Variants in SCNN1G observed in about 807,000 individuals in gnomAD.
SCNN1G encodes the protein epithelial sodium channel subunit gamma.
In SCNN1G, 27 loss-of-function variants were observed where a neutral mutation model predicts 64.6. That is an observed-to-expected ratio of 0.42 (90% CI 0.31 to 0.58). The LOEUF (loss-of-function observed/expected upper bound fraction) is 0.58, where lower values mean the gene tolerates loss of function less well. Among genes scored for constraint, SCNN1G ranks in the 20% least tolerant of loss-of-function variants. SCNN1G has a pLI of 0.18. For synonymous variants in SCNN1G, 330 were observed against 314.2 expected (o/e 1.05, Z -0.53); for missense variants, 743 against 823.4 (o/e 0.90, Z 1.19).
At position 23,189,622 on chromosome 16, in the gene SCNN1G, C is replaced by T. The variant is rs267604466; in HGVS notation, c.569C>T (p.Ala190Val). The change falls in exon 3 of 13, where the codon GCT becomes GTT. Residue 190 changes from alanine to valine, a missense_variant. Transcript: ENST00000300061. ...RKVGGSIIHK[A>V]SNVMHIESKQ... Reference sequence around the variant, plus strand: ...GTCGGCGGTAGCATCATTCACAAGGCTTCAAATGTCATGCACATCGAGTCC... The same window carrying T: ...GTCGGCGGTAGCATCATTCACAAGGTTTCAAATGTCATGCACATCGAGTCC... The T allele has an allele frequency of 6.2e-7, 1 of 1,614,224 alleles. No individual in the cohort carries two copies. Among genetic ancestry groups the T allele is most frequent in the Non-Finnish European group, 8.5e-7 (1 of 1,180,036 alleles).
At position 23,189,539 on chromosome 16, in the gene SCNN1G, C is replaced by G. The variant is rs1238075168; in HGVS notation, c.486C>G (p.Ile162Met). The G allele has an allele frequency of 1.2e-6, 2 of 1,614,124 alleles. No individual in the cohort carries two copies. Among genetic ancestry groups the G allele is most frequent in the Non-Finnish European group, 1.7e-6 (2 of 1,180,054 alleles). The change falls in exon 3 of 13, where the codon ATC (isoleucine) becomes ATG (methionine). Residue 162 changes from isoleucine (I) to methionine (M), a missense_variant. Coordinates refer to ENST00000300061, the MANE Select transcript of SCNN1G (RefSeq NM_001039.4). Reference protein sequence around the residue: ...PRFSHRIPLLIFDQDEKGKAR... With the variant: ...PRFSHRIPLLMFDQDEKGKAR... ...TCTCCCACCGGATTCCGCTGCTGAT[C>G]TTTGATCAGGATGAGAAGGGCAAGG... is the stretch of plus-strand genomic sequence containing the variant.
intron 6 of SCNN1G, among the ~76,000 whole-genome samples, chr16:23,207,256 A>T (rs1432591876): frequency 6.6e-6 from 1 of 152,034 alleles, no homozygotes; most frequent in Non-Finnish European, 1.5e-5. Flanking sequence ...AAGTGGACAG[A>T]CCCCTCATCT....
At chr16:23,191,177 A>T (rs1959702944) in intron 3 of SCNN1G, among the ~76,000 whole-genome samples, 1 of 151,982 alleles carries the variant, frequency 6.6e-6, no homozygotes, top group Non-Finnish European at 1.5e-5. Flanking sequence ...ATTCACTGAA[A>T]ATGAATTCTA....
chr16:23,185,413 C>T (rs1286045634), intron 1 of SCNN1G, among the ~76,000 whole-genome samples: 1 of 152,110 alleles, frequency 6.6e-6, no homozygotes, highest in East Asian at 1.9e-4. Context: ...TGAGATGCAT[C>T]GTGCACATTG....
chr16:23,187,537 T>C (rs1230628283), intron 2 of SCNN1G, among the ~76,000 whole-genome samples: 1 of 152,076 alleles, frequency 6.6e-6, no homozygotes, highest in Non-Finnish European at 1.5e-5. Flanking sequence ...AAGCCCAAAT[T>C]AGCCAACCCC....
At chr16:23,213,329 T>G (rs922030370) in intron 11 of SCNN1G, among the ~76,000 whole-genome samples, 166 bp downstream of exon 11, 4 of 150,596 alleles carry the variant, frequency 2.7e-5, no homozygotes, top group Non-Finnish European at 5.9e-5. Context: ...CTCAGCTCAC[T>G]GTAACTTCTG....
At chr16:23,185,835 G>A (rs1442532616) in intron 1 of SCNN1G, among the ~76,000 whole-genome samples, 3 of 152,158 alleles carry the variant, frequency 2.0e-5, no homozygotes, top group East Asian at 1.9e-4. Flanking sequence ...TGAGGAAGGC[G>A]GGCTACTGGA....
chr16:23,198,862 C>G (rs770018591), intron 6 of SCNN1G, among the ~76,000 whole-genome samples: 3 of 151,994 alleles, frequency 2.0e-5, no homozygotes, highest in Admixed American at 1.3e-4. Context: ...CAAGACCAGC[C>G]TGGGCAACAT....
chr16:23,195,606 A>G (rs1212742245), intron 5 of SCNN1G, among the ~76,000 whole-genome samples: 1 of 152,222 alleles, frequency 6.6e-6, no homozygotes, highest in Non-Finnish European at 1.5e-5. Flanking sequence ...TTTCATGGGG[A>G]AGAAGTAATC....
rs775575496 is a variant in SCNN1G at position 23,194,261 on chromosome 16, G to T, written c.900G>T (p.Gly300=). 3.7e-6 allele frequency: 6 copies of T among 1,609,616 alleles called. No individual in the cohort carries two copies. Among genetic ancestry groups the T allele is most frequent in the Non-Finnish European group, 4.3e-6 (5 of 1,175,956 alleles). ...ENETILSTSM[G]GSEYGLQVIL... Reference sequence around the variant, plus strand: ...AGACCATTCTCAGCACCTCCATGGGGGGCAGCGAATATGGTAAGGAAACCT... The same window carrying T: ...AGACCATTCTCAGCACCTCCATGGGTGGCAGCGAATATGGTAAGGAAACCT... The change falls in exon 5 of 13, where the codon GGG becomes GGT. Residue 300 remains glycine (G), a synonymous_variant. Coordinates refer to ENST00000300061, the MANE Select transcript of SCNN1G (RefSeq NM_001039.4).
rs775694446 is a variant in SCNN1G, at chr16:23,189,379, C to G, written c.326C>G (p.Thr109Ser). ...ICNINPYKYS[T>S]VRHLLADLEQ... ...CCTCCCCACCTTGGCAGGTACAGCA[C>G]CGTTCGCCACCTTCTAGCTGACTTG... The change falls in exon 3 of 13, where the codon ACC (threonine) becomes AGC (serine). Residue 109 changes from threonine (T) to serine (S), a missense_variant. Thr to Ser is a moderately conservative substitution (Grantham distance 58, BLOSUM62 1). Transcript: ENST00000300061. The G allele has an allele frequency of 5.6e-6, 9 of 1,613,446 alleles. No individual in the cohort carries two copies. The Admixed American group carries it at 8.3e-5, about 15-fold the overall frequency.
At position 23,192,316 on chromosome 16, in the gene SCNN1G, C is replaced by T. The variant is rs753688324; in HGVS notation, c.619-36C>T. Reference sequence around the variant, plus strand: ...TCCTTCTGAAGAGTAGCGATAGGACCGATGGCTTCAGCCTCGCATCTCCTC... The same window carrying T: ...TCCTTCTGAAGAGTAGCGATAGGACTGATGGCTTCAGCCTCGCATCTCCTC... On this transcript the variant is annotated intron_variant, in intron 3 of 12. Coordinates refer to ENST00000300061, the MANE Select transcript of SCNN1G (RefSeq NM_001039.4). The T allele has an allele frequency of 2.5e-5, 39 of 1,547,376 alleles. No homozygotes were observed. In the African/African-American group the frequency reaches 2.6e-4, roughly 10 times the overall value.
At chr16:23,212,615 G>A in intron 8 of SCNN1G, 63 bp from the exon 9 acceptor site, 2 of 1,284,502 alleles carry the variant, frequency 1.6e-6, no homozygotes, top group Admixed American at 3.4e-5. Context: ...TTGGTGACCT[G>A]GGGATGGCCA....
chr16:23,206,703 A>G (rs1292883583), intron 6 of SCNN1G, among the ~76,000 whole-genome samples: 1 of 152,174 alleles, frequency 6.6e-6, no homozygotes, highest in Non-Finnish European at 1.5e-5. Flanking sequence ...ATCTGGTTTG[A>G]TATAAATGGG....
chr16:23,190,833 T>A (rs1324940581), intron 3 of SCNN1G, among the ~76,000 whole-genome samples: 1 of 50,516 alleles, frequency 2.0e-5, no homozygotes, highest in Non-Finnish European at 4.5e-5. Flanking sequence ...TTGAGGGGAT[T>A]TTTTTTTTTT....
At chr16:23,208,129 G>C (rs941621042) in intron 6 of SCNN1G, among the ~76,000 whole-genome samples, 1 of 152,128 alleles carries the variant, frequency 6.6e-6, no homozygotes, top group South Asian at 2.1e-4. Flanking sequence ...GGCTTGGCTG[G>C]ATTATTTATT....
At chr16:23,201,581 A>G (rs1490833432) in intron 6 of SCNN1G, among the ~76,000 whole-genome samples, 1 of 151,974 alleles carries the variant, frequency 6.6e-6, no homozygotes, top group East Asian at 1.9e-4. Flanking sequence ...ACTAAGAAAA[A>G]CTCCAACCAA....
At chr16:23,200,909 C>T (rs1205101585) in intron 6 of SCNN1G, among the ~76,000 whole-genome samples, 2 of 152,148 alleles carry the variant, frequency 1.3e-5, no homozygotes, top group African/African-American at 2.4e-5. Flanking sequence ...AAAAGGACAA[C>T]ACTGGACAAG....
At chr16:23,205,445 C>G (rs553632926) in intron 6 of SCNN1G, among the ~76,000 whole-genome samples, 1 of 152,230 alleles carries the variant, frequency 6.6e-6, no homozygotes, top group Admixed American at 6.5e-5. Flanking sequence ...TGGCTCATGC[C>G]TGTAATCTTT....
Sources: gnomAD v4.1 joint callset for allele counts (sites outside exome capture counted in the v4.1 genomes callset) on GRCh38, gnomAD v4.1.1 for gene constraint, MANE v1.5 for transcripts, NCBI Gene and HGNC (gene_info 2026-07-23, HGNC 2026-07-21) for gene names.